The following PLD5 variants were observed in gnomAD, a reference collection of about 807,000 sequenced individuals.
PLD5 encodes phospholipase D family member 5.
Under a neutral mutation model 61.1 loss-of-function variants are expected in PLD5, and 36 were observed. The observed-to-expected ratio is 0.59, with a 90% CI of 0.45 to 0.78. The LOEUF is 0.78. Among genes scored for constraint, PLD5 ranks in the 30% least tolerant of loss-of-function variants. The pLI is 0.00. For synonymous variants in PLD5, 243 were observed against 242.8 expected (o/e 1.00, Z -0.01); for missense variants, 515 against 644.4 (o/e 0.80, Z 2.17).
At chr1:242,193,967 C>G (rs1047581376) in intron 5 of PLD5, among the ~76,000 whole-genome samples, 1 of 152,184 alleles carries the variant, frequency 6.6e-6, no homozygotes, top group African/African-American at 2.4e-5. Flanking sequence ...AAGGGGCTAA[C>G]AAGCTGTGGA....
At chr1:242,348,276 T>C (rs1277393790) in intron 1 of PLD5, 34 bp from the exon 2 acceptor site, 4 of 1,571,068 alleles carry the variant, frequency 2.5e-6, no homozygotes, top group African/African-American at 2.7e-5. Context: ...GAAAAGTAAG[T>C]GGTGCTGCTT....
intron 1 of PLD5, among the ~76,000 whole-genome samples, chr1:242,413,904 C>T (rs1292488924): frequency 6.6e-6 from 1 of 152,182 alleles, no homozygotes; most frequent in African/African-American, 2.4e-5. Context: ...GTAGGGAGAG[C>T]TCCTCAGACT....
chr1:242,196,429 G>A (rs986268842), intron 5 of PLD5, among the ~76,000 whole-genome samples: 1 of 152,074 alleles, frequency 6.6e-6, no homozygotes, highest in Non-Finnish European at 1.5e-5. Context: ...ACTATTTAGG[G>A]GCTCAAGACA....
chr1:242,238,524 C>A (rs892485897), intron 4 of PLD5, among the ~76,000 whole-genome samples: 2 of 152,136 alleles, frequency 1.3e-5, no homozygotes, highest in African/African-American at 2.4e-5. Context: ...TCAAGACATG[C>A]TACTATTGAG....
chr1:242,154,678 A>G (rs1665214565), intron 5 of PLD5, among the ~76,000 whole-genome samples: 2 of 152,198 alleles, frequency 1.3e-5, no homozygotes, highest in South Asian at 4.2e-4. Flanking sequence ...CCAGTCTTGC[A>G]TCTCAGGGAT....
intron 1 of PLD5, among the ~76,000 whole-genome samples, chr1:242,398,107 A>T (rs941455441): frequency 3.9e-5 from 6 of 152,316 alleles, no homozygotes; most frequent in African/African-American, 1.4e-4. Flanking sequence ...GCAATAAATA[A>T]GGCCACATAA....
At chr1:242,413,924 A>T (rs1219901379) in intron 1 of PLD5, among the ~76,000 whole-genome samples, 1 of 152,178 alleles carries the variant, frequency 6.6e-6, no homozygotes, top group Non-Finnish European at 1.5e-5. Context: ...TTGTTAAGGA[A>T]CCAAGATTTT....
At chr1:242,128,482 C>T (rs1161018536) in intron 5 of PLD5, among the ~76,000 whole-genome samples, 1 of 152,188 alleles carries the variant, frequency 6.6e-6, no homozygotes, top group Non-Finnish European at 1.5e-5. Context: ...TCCCTGCTGA[C>T]TCTCTCCTGA....
chr1:242,434,624 T>A (rs956477617), intron 1 of PLD5, among the ~76,000 whole-genome samples: 2 of 152,182 alleles, frequency 1.3e-5, no homozygotes, highest in Non-Finnish European at 2.9e-5. Context: ...TTTATTTATT[T>A]ATTTTTTGAG....
At chr1:242,395,506 G>T (rs1323320128) in intron 1 of PLD5, among the ~76,000 whole-genome samples, 1 of 152,092 alleles carries the variant, frequency 6.6e-6, no homozygotes, top group African/African-American at 2.4e-5. Flanking sequence ...ATAAGCCCAA[G>T]AATCAACAAA....
At chr1:242,490,378 ATT>A (rs1236409338) in intron 1 of PLD5, among the ~76,000 whole-genome samples, 1 of 152,180 alleles carries the variant, frequency 6.6e-6, no homozygotes. Flanking sequence ...ACCAAATACC[ATT>A]TTTTAATTGT....
At chr1:242,508,373 C>CAA (rs879858045) in intron 1 of PLD5, among the ~76,000 whole-genome samples, 1 of 142,830 alleles carries the variant, frequency 7.0e-6, no homozygotes, top group African/African-American at 2.6e-5. Context: ...AACTCCGTCT[C>CAA]AAAAAAAAAA....
chr1:242,188,196 G>A (rs993140802), intron 5 of PLD5, among the ~76,000 whole-genome samples: 9 of 152,276 alleles, frequency 5.9e-5, no homozygotes, highest in South Asian at 2.1e-4. Context: ...ATCACAGAGC[G>A]GCAAGAGGGA....
At chr1:242,481,807 C>G (rs977004315) in intron 1 of PLD5, among the ~76,000 whole-genome samples, 1 of 152,180 alleles carries the variant, frequency 6.6e-6, no homozygotes. Context: ...AGAGGCACCC[C>G]CTAGTAGGGG....
intron 9 of PLD5, among the ~76,000 whole-genome samples, chr1:242,096,658 T>C (rs566273447): frequency 6.0e-5 from 9 of 149,972 alleles, no homozygotes; most frequent in African/African-American, 2.2e-4. Flanking sequence ...GTTTTTTGGT[T>C]GTTTGTTTGT....
At chr1:242,496,576 T>C (rs1028996088) in intron 1 of PLD5, among the ~76,000 whole-genome samples, 1 of 152,266 alleles carries the variant, frequency 6.6e-6, no homozygotes, top group Admixed American at 6.5e-5. Flanking sequence ...ATCAGAGGAC[T>C]AAGTGAAACC....
chr1:242,179,403 T>A (rs138759481), intron 5 of PLD5, among the ~76,000 whole-genome samples: 78 of 152,310 alleles, frequency 5.1e-4, no homozygotes, highest in African/African-American at 1.7e-3. Flanking sequence ...CTAAACAATG[T>A]CAGTGATTAA....
At chr1:242,447,694 T>G (rs1386242792) in intron 1 of PLD5, among the ~76,000 whole-genome samples, 4 of 152,216 alleles carry the variant, frequency 2.6e-5, no homozygotes, top group Admixed American at 1.3e-4. Flanking sequence ...TCACTCTTAG[T>G]TCCCATCGCA....
intron 2 of PLD5, among the ~76,000 whole-genome samples, chr1:242,291,927 G>A (rs374001712): frequency 2.0e-5 from 3 of 152,290 alleles, no homozygotes; most frequent in Non-Finnish European, 4.4e-5. Flanking sequence ...AGCCTAAAGT[G>A]AGGGAAATGC....
Sources: gnomAD v4.1 joint callset for allele counts (sites outside exome capture counted in the v4.1 genomes callset) on GRCh38, gnomAD v4.1.1 for gene constraint, MANE v1.5 for transcripts, NCBI Gene and HGNC (gene_info 2026-07-23, HGNC 2026-07-21) for gene names.